Variants in FRAS1 observed in about 807,000 individuals in gnomAD.
FRAS1 encodes Fraser extracellular matrix complex subunit 1.
In FRAS1, 290 loss-of-function variants were observed where a neutral mutation model predicts 435.2. That is an observed-to-expected ratio of 0.67 (90% CI 0.61 to 0.73). The LOEUF (loss-of-function observed/expected upper bound fraction) is 0.73, where lower values mean the gene tolerates loss of function less well. Ranked by LOEUF, FRAS1 falls within the 30% of genes least tolerant of loss-of-function variation. FRAS1 has a pLI of 0.00. For missense variants in FRAS1, 4,860 were observed against 5,001.5 expected, an observed-to-expected ratio of 0.97 and a Z score of 0.85; for synonymous variants, 1,800 against 1,851.0, an observed-to-expected ratio of 0.97 and a Z score of 0.71.
intron 6 of FRAS1, among the ~76,000 whole-genome samples, chr4:78,260,412 C>T (rs1726028258): frequency 6.6e-6 from 1 of 152,234 alleles, no homozygotes; most frequent in Non-Finnish European, 1.5e-5. Context: ...TTGAAGAGGT[C>T]CTTCATATCC....
chr4:78,405,404 G>A (rs1733060286), intron 30 of FRAS1, among the ~76,000 whole-genome samples: 1 of 117,292 alleles, frequency 8.5e-6, no homozygotes, highest in Non-Finnish European at 1.7e-5. Context: ...AAAGGTAATG[G>A]AATTTTTTTC....
intron 6 of FRAS1, among the ~76,000 whole-genome samples, chr4:78,259,537 C>G (rs1350391610): frequency 1.3e-5 from 2 of 151,920 alleles, no homozygotes; most frequent in African/African-American, 4.8e-5. Flanking sequence ...GTCCTTCGCT[C>G]ACTTTTTGAT....
At chr4:78,220,769 G>A (rs369291863) in intron 2 of FRAS1, among the ~76,000 whole-genome samples, 14 of 152,242 alleles carry the variant, frequency 9.2e-5, no homozygotes, top group African/African-American at 1.4e-4. Flanking sequence ...ATTTTATTTA[G>A]CAGCTCATCT....
Position 78,090,189 on chromosome 4 carries a change from T to C in FRAS1, c.108+24173T>C, listed in dbSNP as rs569657355. 5.9e-5 allele frequency among the ~76,000 whole-genome samples: 9 copies of C among 152,280 alleles called. No individual in the cohort carries two copies. The South Asian group carries it at 1.9e-3, about 32-fold the overall frequency. On this transcript the variant is annotated intron_variant, in intron 2 of 73. Transcript: ENST00000512123. ...GCTTAAGTGTAAAAGAACAACATAG[T>C]ACTCTAGCAAAACACACAAATGGTA...
At chr4:78,276,359 G>A (rs545957733) in intron 9 of FRAS1, among the ~76,000 whole-genome samples, 1 of 152,220 alleles carries the variant, frequency 6.6e-6, no homozygotes, top group Non-Finnish European at 1.5e-5. Flanking sequence ...TGCTGGCGAG[G>A]AGCTGTGTTC....
intron 2 of FRAS1, among the ~76,000 whole-genome samples, chr4:78,076,440 CCA>C (rs1294585697): frequency 6.6e-6 from 1 of 152,008 alleles, no homozygotes; most frequent in East Asian, 1.9e-4. Context: ...AAATTATGCT[CCA>C]GTTAGTAATA....
chr4:78,525,444 A>G (rs1234772816), intron 69 of FRAS1, among the ~76,000 whole-genome samples: 1 of 152,236 alleles, frequency 6.6e-6, no homozygotes, highest in Non-Finnish European at 1.5e-5. Flanking sequence ...TCATGCAGCC[A>G]TGGCAGAGGC....
intron 2 of FRAS1, among the ~76,000 whole-genome samples, chr4:78,158,807 T>C (rs763595423): frequency 6.6e-6 from 1 of 152,224 alleles, no homozygotes; most frequent in Non-Finnish European, 1.5e-5. Context: ...AGGCTGATCT[T>C]GGATTCTCTG....
intron 20 of FRAS1, among the ~76,000 whole-genome samples, chr4:78,347,611 CTCT>C (rs1730653786): frequency 6.6e-6 from 1 of 152,144 alleles, no homozygotes; most frequent in Non-Finnish European, 1.5e-5. Flanking sequence ...CTGTTACATG[CTCT>C]TCCCTTCTAA....
chr4:78,172,286 T>C (rs1461854888), intron 2 of FRAS1, among the ~76,000 whole-genome samples: 3 of 152,180 alleles, frequency 2.0e-5, no homozygotes, highest in African/African-American at 7.2e-5. Flanking sequence ...TTTAATGAGA[T>C]AGAATCATCT....
intron 68 of FRAS1, among the ~76,000 whole-genome samples, chr4:78,522,358 C>G (rs1395785477): frequency 1.3e-5 from 2 of 152,022 alleles, no homozygotes; most frequent in Non-Finnish European, 2.9e-5. Context: ...ACATAAAGAC[C>G]CCTATTATTG....
chr4:78,307,255 C>T (rs540450098), intron 14 of FRAS1, among the ~76,000 whole-genome samples: 1 of 152,250 alleles, frequency 6.6e-6, no homozygotes, highest in Non-Finnish European at 1.5e-5. Context: ...GGGAGAACCA[C>T]TGCTGTCTTC....
chr4:78,387,139 A>C (rs1732246732), intron 28 of FRAS1, among the ~76,000 whole-genome samples: 1 of 152,162 alleles, frequency 6.6e-6, no homozygotes, highest in African/African-American at 2.4e-5. Context: ...GTTGTCTCTC[A>C]AGTCTTGAAG....
intron 29 of FRAS1, among the ~76,000 whole-genome samples, chr4:78,396,107 T>G (rs1037094001): frequency 5.9e-5 from 9 of 152,134 alleles, no homozygotes; most frequent in African/African-American, 2.2e-4. Flanking sequence ...TTATCTCCAA[T>G]TGCATACAAA....
chr4:78,446,226 G>A (rs1718824158), intron 42 of FRAS1: 3 of 996,344 alleles, frequency 3.0e-6, no homozygotes, highest in South Asian at 9.2e-5. Context: ...TCTGCCTTGG[G>A]AAAATAAAAT....
chr4:78,099,288 G>A (rs1741985451), intron 2 of FRAS1, among the ~76,000 whole-genome samples: 1 of 152,122 alleles, frequency 6.6e-6, no homozygotes, highest in South Asian at 2.1e-4. Context: ...CTTTGGGAAG[G>A]GGAACAACTA....
At chr4:78,504,682 G>C (rs1270428842) in intron 61 of FRAS1, among the ~76,000 whole-genome samples, 1 of 152,124 alleles carries the variant, frequency 6.6e-6, no homozygotes, top group East Asian at 1.9e-4. Context: ...TATCCAATTT[G>C]CCAGTCTATG....
At chr4:78,171,506 T>C (rs1012596672) in intron 2 of FRAS1, among the ~76,000 whole-genome samples, 7 of 152,176 alleles carry the variant, frequency 4.6e-5, no homozygotes, top group African/African-American at 1.7e-4. Context: ...ACAAAACATT[T>C]TGGAGCTGGA....
intron 58 of FRAS1, among the ~76,000 whole-genome samples, chr4:78,486,867 A>C (rs1418866915): frequency 6.9e-6 from 1 of 145,722 alleles, no homozygotes; most frequent in East Asian, 2.0e-4. Context: ...CAGGGATAGA[A>C]GTGAGAGTGA....
Sources: gnomAD v4.1 joint callset for allele counts (sites outside exome capture counted in the v4.1 genomes callset) on GRCh38, gnomAD v4.1.1 for gene constraint, MANE v1.5 for transcripts, NCBI Gene and HGNC (gene_info 2026-07-23, HGNC 2026-07-21) for gene names.